Variants in WNK2 observed in about 807,000 individuals in gnomAD.
WNK2 encodes the protein WNK lysine deficient protein kinase 2.
Under a neutral mutation model 192.1 loss-of-function variants are expected in WNK2, and 67 were observed. The ratio of observed to expected loss-of-function variants is 0.35; its 90% CI spans 0.29 to 0.43. The LOEUF is 0.43. Among genes scored for constraint, WNK2 ranks in the 20% least tolerant of loss-of-function variants. The pLI, the probability that WNK2 is intolerant of heterozygous loss-of-function variation, is 1.00. For synonymous variants in WNK2, 1,439 were observed against 1,393.9 expected (o/e 1.03, Z -0.72); for missense variants, 2,698 against 3,089.7 (o/e 0.87, Z 3.01).
At chr9:93,293,581 A>G (rs2133899206) in intron 23 of WNK2, among the ~76,000 whole-genome samples, 1 of 152,084 alleles carries the variant, frequency 6.6e-6, no homozygotes, top group South Asian at 2.1e-4. Flanking sequence ...TGGCCTCCCA[A>G]AGTTCTGAGA....
At chr9:93,303,855 G>A (rs574342518) in intron 26 of WNK2, among the ~76,000 whole-genome samples, 10 of 152,334 alleles carry the variant, frequency 6.6e-5, no homozygotes, top group East Asian at 3.9e-4. Context: ...TGTTCAATAC[G>A]TAGACACCTT....
chr9:93,251,711 AAAAT>A (rs1842633208), intron 8 of WNK2, among the ~76,000 whole-genome samples: 1 of 152,324 alleles, frequency 6.6e-6, no homozygotes, highest in African/African-American at 2.4e-5. Context: ...TTGTCTCAAA[AAAAT>A]AAATAAATAA....
At chr9:93,201,602 C>G in intron 2 of WNK2, among the ~76,000 whole-genome samples, 1 of 152,206 alleles carries the variant, frequency 6.6e-6, no homozygotes, top group Non-Finnish European at 1.5e-5. Context: ...TGTCTGAGGG[C>G]TATGGACAGG....
intron 19 of WNK2, among the ~76,000 whole-genome samples, chr9:93,286,346 G>A (rs1417455454): frequency 6.6e-6 from 1 of 152,144 alleles, no homozygotes; most frequent in Non-Finnish European, 1.5e-5. Flanking sequence ...AGAAAAGCAG[G>A]CAAGAGACTT....
chr9:93,265,794 G>T (rs908937181), intron 16 of WNK2, among the ~76,000 whole-genome samples: 5 of 152,242 alleles, frequency 3.3e-5, no homozygotes, highest in Non-Finnish European at 5.9e-5. Flanking sequence ...AGCCACATCA[G>T]CCTGTGTCGT....
chr9:93,308,345 C>T lies in WNK2; in HGVS notation c.6277C>T (p.Leu2093=). 6.4e-7 allele frequency: 1 copy of T among 1,555,094 alleles called. No individual in the cohort carries two copies. The highest frequency in any genetic ancestry group is 8.7e-7 in the Non-Finnish European group (1 of 1,149,456). The change falls in exon 28 of 30, where the codon CTG becomes TTG. Residue 2093 remains leucine (L), a synonymous_variant. Transcript: ENST00000427277. ...EHSSRSSTSS[L]APGPEPGPQP... ...CTCCCCAGGGTCCTCCACCAGCAGC[C>T]TGGCCCCAGGCCCTGAGCCAGGCCC... is the stretch of plus-strand genomic sequence containing the variant.
intron 16 of WNK2, among the ~76,000 whole-genome samples, chr9:93,265,729 C>T (rs912594172): frequency 1.6e-4 from 25 of 152,368 alleles, no homozygotes; most frequent in African/African-American, 5.0e-4. Context: ...GCTGCATGTG[C>T]GGCTGACGCT....
chr9:93,303,197 G>A (rs914306059), intron 26 of WNK2, among the ~76,000 whole-genome samples: 3 of 152,202 alleles, frequency 2.0e-5, no homozygotes, highest in African/African-American at 7.2e-5. Context: ...TGGGATTACA[G>A]GTGGGAGCCA....
chr9:93,202,751 C>CCCTCACTGAAG (rs1231357719), intron 2 of WNK2, among the ~76,000 whole-genome samples: 1 of 151,844 alleles, frequency 6.6e-6, no homozygotes, highest in Non-Finnish European at 1.5e-5. Flanking sequence ...AAATGCTCCT[C>CCCTCACTGAAG]CCTCACTGAA....
chr9:93,234,477 C>A (rs1327573562), intron 4 of WNK2, among the ~76,000 whole-genome samples: 1 of 152,282 alleles, frequency 6.6e-6, no homozygotes, highest in Non-Finnish European at 1.5e-5. Flanking sequence ...CAGGCGAGGG[C>A]GTACTCAGGG....
chr9:93,262,878 CCCT>C (rs1190696964), intron 14 of WNK2, among the ~76,000 whole-genome samples, 159 bp downstream of exon 14: 45 of 152,356 alleles, frequency 3.0e-4, no homozygotes, highest in Admixed American at 1.8e-3. Flanking sequence ...AGCCTCAGGG[CCCT>C]CCTCTCTGGG....
chr9:93,214,170 C>T (rs1587941257), intron 2 of WNK2, among the ~76,000 whole-genome samples: 1 of 152,240 alleles, frequency 6.6e-6, no homozygotes, highest in Non-Finnish European at 1.5e-5. Flanking sequence ...CATTTAGTAC[C>T]CATTTGCTGC....
chr9:93,319,520 A>C (rs1855249290), intron 29 of WNK2: 5 of 608,736 alleles, frequency 8.2e-6, no homozygotes, highest in Non-Finnish European at 1.0e-5. Context: ...GATTACACTT[A>C]GCAGTGCCAC....
chr9:93,216,584 C>T (rs957332616), intron 2 of WNK2, among the ~76,000 whole-genome samples: 3 of 152,112 alleles, frequency 2.0e-5, no homozygotes, highest in South Asian at 2.1e-4. Flanking sequence ...CATGATCACA[C>T]CACTGCACTC....
chr9:93,209,065 C>T (rs1260649845), intron 2 of WNK2, among the ~76,000 whole-genome samples: 1 of 152,084 alleles, frequency 6.6e-6, no homozygotes, highest in African/African-American at 2.4e-5. Context: ...GAAACTGTGG[C>T]CTTGAAGACC....
chr9:93,220,003 C>G (rs2131760006), intron 2 of WNK2, among the ~76,000 whole-genome samples: 1 of 152,336 alleles, frequency 6.6e-6, no homozygotes, highest in South Asian at 2.1e-4. Flanking sequence ...AGGGGATCCT[C>G]TCTTCCTCCA....
At chr9:93,241,378 G>A (rs1840731599) in intron 7 of WNK2, among the ~76,000 whole-genome samples, 1 of 152,236 alleles carries the variant, frequency 6.6e-6, no homozygotes, top group Non-Finnish European at 1.5e-5. Context: ...AATAAATCCG[G>A]TGTGCTCATG....
rs565641438 is a variant in WNK2 at position 93,270,426 on chromosome 9, T to C, written c.4033+1680T>C. Among the ~76,000 whole-genome samples, 118 of 152,364 alleles carry C rather than the reference T, an allele frequency of 7.7e-4. 1 individual carries two copies. Among genetic ancestry groups the C allele is most frequent in the African/African-American group, 2.4e-3 (99 of 41,586 alleles). On this transcript the variant is annotated intron_variant, in intron 19 of 29. Transcript: ENST00000427277. ...CACACACATCCATTTTTCTTTCCAC[T>C]GAAATGCACTGTAAATCCTGGATTG...
At chr9:93,310,343 C>T (rs1853417386) in intron 28 of WNK2, among the ~76,000 whole-genome samples, 1 of 152,150 alleles carries the variant, frequency 6.6e-6, no homozygotes, top group African/African-American at 2.4e-5. Context: ...TGGGCTCCAG[C>T]TATATCAGCA....
Sources: gnomAD v4.1 joint callset for allele counts (sites outside exome capture counted in the v4.1 genomes callset) on GRCh38, gnomAD v4.1.1 for gene constraint, MANE v1.5 for transcripts, NCBI Gene and HGNC (gene_info 2026-07-23, HGNC 2026-07-21) for gene names.